The following THSD7B variants were observed in gnomAD, a reference collection of about 807,000 sequenced individuals.
The protein encoded by THSD7B is thrombospondin type-1 domain-containing protein 7B.
Under a neutral mutation model 213.6 loss-of-function variants are expected in THSD7B, and 138 were observed. That is an observed-to-expected ratio of 0.65 (90% CI 0.56 to 0.74). The LOEUF (loss-of-function observed/expected upper bound fraction) is 0.74. THSD7B is among the 30% of genes least tolerant of loss of function. The probability of loss-of-function intolerance (pLI) is 0.00; values close to 1 mark genes in which losing one functional copy is unlikely to be tolerated. For synonymous variants in THSD7B, 742 were observed against 687.0 expected, an observed-to-expected ratio of 1.08 and a Z score of -1.25; for missense variants, 1,931 against 1,991.5, an observed-to-expected ratio of 0.97 and a Z score of 0.58.
intron 12 of THSD7B, among the ~76,000 whole-genome samples, chr2:137,285,912 T>G: frequency 6.6e-6 from 1 of 151,966 alleles, no homozygotes; most frequent in Non-Finnish European, 1.5e-5. Context: ...GAGACCAGCC[T>G]GACCAACATG....
In THSD7B at chr2:137,393,741, C is replaced by T. The variant is rs183132938; in HGVS notation, c.2501-11872C>T. On this transcript the variant is annotated intron_variant, in intron 12 of 27. Coordinates refer to ENST00000409968, the MANE Select transcript of THSD7B (RefSeq NM_001316349.2). The stretch of plus-strand genomic sequence containing the variant: ...GATCCCTGAGGAATCACCACACTGA[C>T]GTCCACAATGGTTGAACTAGTTTAC... 4.5e-3 allele frequency among the ~76,000 whole-genome samples: 640 copies of T among 141,016 alleles called. 76 individuals carry two copies. The highest frequency in any genetic ancestry group is 0.016 in the African/African-American group (609 of 38,266). 92.5% of individuals were successfully genotyped at this position (141,016 alleles called of 152,430 possible).
chr2:136,913,718 C>G (rs1482148840), intron 2 of THSD7B, among the ~76,000 whole-genome samples: 1 of 152,218 alleles, frequency 6.6e-6, no homozygotes, highest in African/African-American at 2.4e-5. Flanking sequence ...TGGTATCAAG[C>G]CTGTGGGTAC....
chr2:137,076,418 C>T (rs954717711), intron 3 of THSD7B, among the ~76,000 whole-genome samples: 1 of 152,312 alleles, frequency 6.6e-6, no homozygotes, highest in South Asian at 2.1e-4. Flanking sequence ...CCTGGTGTGC[C>T]GTTTTTTAGG....
intron 15 of THSD7B, among the ~76,000 whole-genome samples, chr2:137,463,848 A>G (rs1489237870): frequency 6.6e-6 from 1 of 152,114 alleles, no homozygotes; most frequent in African/African-American, 2.4e-5. Flanking sequence ...AATGAGGTGG[A>G]ATTTTGCACT....
At chr2:137,641,714 A>T (rs1682940973) in intron 20 of THSD7B, among the ~76,000 whole-genome samples, 1 of 152,184 alleles carries the variant, frequency 6.6e-6, no homozygotes, top group Admixed American at 6.6e-5. Flanking sequence ...ATGACATGGG[A>T]GCACTGCTCT....
At chr2:136,770,520 G>T (rs868780721) in intron 1 of THSD7B, among the ~76,000 whole-genome samples, 1 of 152,104 alleles carries the variant, frequency 6.6e-6, no homozygotes, top group Non-Finnish European at 1.5e-5. Flanking sequence ...CCCTCTGAAG[G>T]TCCCACTATC....
chr2:137,366,355 A>G (rs1160135694), intron 12 of THSD7B, among the ~76,000 whole-genome samples: 2 of 151,998 alleles, frequency 1.3e-5, no homozygotes, highest in Admixed American at 1.3e-4. Context: ...CAAACCTGCA[A>G]GTTGTATGCA....
At chr2:137,265,346 G>A (rs971985126) in intron 10 of THSD7B, among the ~76,000 whole-genome samples, 8 of 152,266 alleles carry the variant, frequency 5.3e-5, no homozygotes, top group Admixed American at 2.0e-4. Flanking sequence ...AGAAATAGGA[G>A]CACTTCTACA....
Position 137,231,022 on chromosome 2 carries a change from G to A in THSD7B, c.1724-22G>A, listed in dbSNP as rs779702440. 1.9e-6 allele frequency: 3 copies of A among 1,608,994 alleles called. No homozygotes were observed. The East Asian group carries it at 6.7e-5, about 36-fold the overall frequency. ...CTTGATTGTGCATTAATCACCAACTGTCTTGATCTTGTTGATTGTAGGAGA... is the reference window on the plus strand; with the variant it reads ...CTTGATTGTGCATTAATCACCAACTATCTTGATCTTGTTGATTGTAGGAGA... On this transcript the variant is annotated intron_variant, in intron 7 of 27. Transcript: ENST00000409968.
intron 12 of THSD7B, among the ~76,000 whole-genome samples, chr2:137,375,456 A>T (rs552048046): frequency 1.1e-4 from 17 of 152,330 alleles, no homozygotes; most frequent in African/African-American, 3.8e-4. Flanking sequence ...TCCCTATTGC[A>T]TTAAAATAAA....
intron 2 of THSD7B, among the ~76,000 whole-genome samples, chr2:136,929,498 G>C (rs549033): frequency 0.41 from 61,986 of 151,974 alleles, 14,847 homozygotes; most frequent in Non-Finnish European, 0.55. Context: ...TAGGTTTTAG[G>C]TTCTGTGCAT....
At chr2:137,497,400 G>T (rs549128027) in intron 15 of THSD7B, among the ~76,000 whole-genome samples, 1 of 151,932 alleles carries the variant, frequency 6.6e-6, no homozygotes, top group Admixed American at 6.6e-5. Context: ...TTTTCAACTT[G>T]TTAGTAAACT....
chr2:136,845,824 C>G (rs1283845652), intron 1 of THSD7B, among the ~76,000 whole-genome samples: 1 of 152,180 alleles, frequency 6.6e-6, no homozygotes, highest in Non-Finnish European at 1.5e-5. Context: ...TTCCTCATTC[C>G]TCATCACAAC....
chr2:137,546,087 A>G (rs887033526), intron 15 of THSD7B, among the ~76,000 whole-genome samples: 1 of 151,210 alleles, frequency 6.6e-6, no homozygotes, highest in African/African-American at 2.4e-5. Flanking sequence ...TTTCTAATTC[A>G]TATCTATCTG....
intron 7 of THSD7B, among the ~76,000 whole-genome samples, chr2:137,213,589 T>C (rs991724909): frequency 6.6e-6 from 1 of 151,304 alleles, no homozygotes; most frequent in African/African-American, 2.4e-5. Context: ...ATACATGATA[T>C]ATAAGATTAT....
chr2:136,869,800 A>ATGGT (rs1413636990), intron 1 of THSD7B, among the ~76,000 whole-genome samples: 1 of 152,220 alleles, frequency 6.6e-6, no homozygotes, highest in Admixed American at 6.5e-5. Flanking sequence ...GCGGCTGGGC[A>ATGGT]CGGTGGCTCA....
chr2:137,484,192 C>T (rs1159502259), intron 15 of THSD7B, among the ~76,000 whole-genome samples: 1 of 144,020 alleles, frequency 6.9e-6, no homozygotes, highest in Non-Finnish European at 1.5e-5. Flanking sequence ...CACAACAGTC[C>T]CCAGAGTGTG....
At chr2:136,982,877 T>A (rs913499741) in intron 2 of THSD7B, among the ~76,000 whole-genome samples, 5 of 152,168 alleles carry the variant, frequency 3.3e-5, no homozygotes, top group African/African-American at 1.2e-4. Context: ...CTGGAAAGAT[T>A]GTAAATTCTT....
chr2:137,402,811 A>G (rs1046864688), intron 12 of THSD7B, among the ~76,000 whole-genome samples: 1 of 126,310 alleles, frequency 7.9e-6, no homozygotes, highest in Non-Finnish European at 1.7e-5. Flanking sequence ...GCGAAACTCC[A>G]TCTCAAAAAA....
Sources: allele counts gnomAD v4.1 joint callset (sites outside exome capture counted in the v4.1 genomes callset), GRCh38; gene constraint gnomAD v4.1.1; transcripts MANE v1.5; gene names NCBI Gene and HGNC (gene_info 2026-07-23, HGNC 2026-07-21).